Variants in MET observed in about 807,000 individuals in gnomAD.
MET encodes MET proto-oncogene, receptor tyrosine kinase.
In MET, 48 loss-of-function variants were observed where a neutral mutation model predicts 133.1. The ratio of observed to expected loss-of-function variants is 0.36; its 90% CI spans 0.29 to 0.46. The LOEUF is 0.46. MET is among the 20% of genes least tolerant of loss of function. The probability of loss-of-function intolerance (pLI) is 1.00; values close to 1 mark genes in which losing one functional copy is unlikely to be tolerated. For missense variants in MET, 1,442 were observed against 1,695.9 expected (o/e 0.85, Z 2.63); for synonymous variants, 628 against 616.5 (o/e 1.02, Z -0.28).
At chr7:116,765,592 T>C (rs887999896) in intron 11 of MET, among the ~76,000 whole-genome samples, 2 of 151,980 alleles carry the variant, frequency 1.3e-5, no homozygotes, top group Admixed American at 1.3e-4. Flanking sequence ...CTAAGCCCCA[T>C]GGATGGAGAA....
At chr7:116,705,001 A>G (rs1479460697) in intron 2 of MET, among the ~76,000 whole-genome samples, 2 of 152,112 alleles carry the variant, frequency 1.3e-5, no homozygotes, top group African/African-American at 4.8e-5. Context: ...TCCGTTTCAC[A>G]GAATGCCAAA....
intron 2 of MET, among the ~76,000 whole-genome samples, chr7:116,712,696 TC>T (rs1166967081): frequency 1.3e-5 from 2 of 148,778 alleles, no homozygotes; most frequent in Admixed American, 6.7e-5. Context: ...GCCCCTCCCG[TC>T]CCCCCCACAC....
rs1315499829 is a variant in MET, at chr7:116,777,489, A to G, written c.3340+20A>G. 2 of 1,609,110 alleles carry G rather than the reference A, an allele frequency of 1.2e-6. No homozygotes were observed. Among genetic ancestry groups the G allele is most frequent in the East Asian group, 2.2e-5 (1 of 44,776 alleles). ...TGAACAGTAAGTGGCATTTTATTTA[A>G]CCATGGAGTATACTTTTGTGGTTTG... On this transcript the variant is annotated intron_variant, in intron 16 of 20. Transcript: ENST00000397752.
intron 2 of MET, among the ~76,000 whole-genome samples, chr7:116,706,997 A>G (rs1791823077): frequency 6.6e-6 from 1 of 151,510 alleles, no homozygotes; most frequent in Non-Finnish European, 1.5e-5. Context: ...TGTTCCAGGC[A>G]GGTTCATTTG....
intron 5 of MET, among the ~76,000 whole-genome samples, chr7:116,746,255 G>T (rs1793676717): frequency 6.6e-6 from 1 of 152,198 alleles, no homozygotes; most frequent in Non-Finnish European, 1.5e-5. Flanking sequence ...AGTTAGAATG[G>T]CAATCATTAA....
At chr7:116,703,836 C>A (rs1404048688) in intron 2 of MET, among the ~76,000 whole-genome samples, 2 of 152,166 alleles carry the variant, frequency 1.3e-5, no homozygotes, top group African/African-American at 4.8e-5. Flanking sequence ...TGAAATCGTA[C>A]ATTTTAGAAA....
rs1178266474 is a variant in MET, at chr7:116,722,539, T to G, written c.1201-9129T>G. 6.6e-5 allele frequency among the ~76,000 whole-genome samples: 10 copies of G among 151,938 alleles called. No individual in the cohort carries two copies. In the East Asian group the frequency reaches 7.7e-4, roughly 12 times the overall value. On this transcript the variant is annotated intron_variant, in intron 2 of 20. Transcript: ENST00000397752. ...TCCTGTCATTATGATGTTAGCTGGT[T>G]ATTTTGCTCGTTAGTTGATGCAGTT... is the stretch of plus-strand genomic sequence containing the variant.
At chr7:116,744,697 A>G (rs554499802) in intron 5 of MET, among the ~76,000 whole-genome samples, 2 of 152,322 alleles carry the variant, frequency 1.3e-5, no homozygotes, top group South Asian at 2.1e-4. Context: ...GAACACCACA[A>G]AGATACTCCT....
At chr7:116,688,271 A>G (rs1449127420) in intron 1 of MET, among the ~76,000 whole-genome samples, 2 of 152,126 alleles carry the variant, frequency 1.3e-5, no homozygotes, top group Non-Finnish European at 2.9e-5. Context: ...ATGTTTCTCA[A>G]ATGTGATTTG....
chr7:116,738,861 C>T lies in MET; in HGVS notation c.1393-1089C>T, dbSNP rs985617469. ...TGCTGTAATTTTCATTCCCATTATA[C>T]GAATGAGAAAGCTGAGGTAGAGGGA... On this transcript the variant is annotated intron_variant, in intron 3 of 20. Coordinates refer to ENST00000397752, the MANE Select transcript of MET (RefSeq NM_000245.4). Among the ~76,000 whole-genome samples, 29 of 152,248 alleles carry T rather than the reference C, an allele frequency of 1.9e-4. 1 individual carries two copies. Among genetic ancestry groups the T allele is most frequent in the East Asian group, 1.2e-3 (6 of 5,186 alleles).
rs541963413 is a variant in MET, at chr7:116,761,433, T to C, written c.2365-1617T>C. Reference sequence around the variant, plus strand: ...TTCATTCCATGTTCCTTGCCACTTATAGAATTTAAAGCTGACCATGATGAA... The same window carrying C: ...TTCATTCCATGTTCCTTGCCACTTACAGAATTTAAAGCTGACCATGATGAA... On this transcript the variant is annotated intron_variant, in intron 10 of 20. Transcript: ENST00000397752. Among the ~76,000 whole-genome samples the C allele has an allele frequency of 4.1e-4, 63 of 152,292 alleles. 1 individual carries two copies. In the South Asian group the frequency reaches 0.013, roughly 32 times the overall value.
At chr7:116,716,537 G>GA (rs1435187597) in intron 2 of MET, among the ~76,000 whole-genome samples, 2 of 143,808 alleles carry the variant, frequency 1.4e-5, no homozygotes, top group Non-Finnish European at 1.5e-5. Context: ...AAGAAAGAAA[G>GA]AAGATATGAA....
chr7:116,689,188 T>C (rs1345617396), intron 1 of MET, among the ~76,000 whole-genome samples: 1 of 152,220 alleles, frequency 6.6e-6, no homozygotes, highest in East Asian at 1.9e-4. Flanking sequence ...CATATAGTTA[T>C]ACCTTCATAT....
intron 2 of MET, among the ~76,000 whole-genome samples, chr7:116,716,523 AAGAAAG>A (rs1388495072): frequency 6.6e-6 from 1 of 151,654 alleles, no homozygotes; most frequent in Non-Finnish European, 1.5e-5. Context: ...GAAAGAAAGA[AAGAAAG>A]AAAGAAAGAA....
chr7:116,721,396 G>T (rs1792478574), intron 2 of MET, among the ~76,000 whole-genome samples: 1 of 151,926 alleles, frequency 6.6e-6, no homozygotes, highest in African/African-American at 2.4e-5. Context: ...TATTAGTCTT[G>T]CTAGCGGTCT....
Position 116,751,421 on chromosome 7 carries a change from G to A in MET, c.1702-3934G>A, listed in dbSNP as rs533319655. 6.6e-5 allele frequency among the ~76,000 whole-genome samples: 10 copies of A among 152,238 alleles called. No homozygotes were observed. The South Asian group carries it at 1.5e-3, about 22-fold the overall frequency. Reference sequence around the variant, plus strand: ...GAAACATCACACATAGGGGCCTGTCGGGTGGCGGGGGTCTAGGGGAGGGAT... The same window carrying A: ...GAAACATCACACATAGGGGCCTGTCAGGTGGCGGGGGTCTAGGGGAGGGAT... On this transcript the variant is annotated intron_variant, in intron 5 of 20. Coordinates refer to ENST00000397752, the MANE Select transcript of MET (RefSeq NM_000245.4).
chr7:116,766,115 T>G (rs1350670891), intron 11 of MET, among the ~76,000 whole-genome samples: 1 of 152,200 alleles, frequency 6.6e-6, no homozygotes, highest in Non-Finnish European at 1.5e-5. Flanking sequence ...TTTATTCTGT[T>G]TAAAGAAACT....
Position 116,771,813 on chromosome 7 carries a change from G to A in MET, c.2888-36G>A, listed in dbSNP as rs35624294. 8,501 of 1,613,392 alleles carry A rather than the reference G, an allele frequency of 5.3e-3. 215 individuals carry two copies. The Admixed American group carries it at 0.055, about 10-fold the overall frequency. ...AAGTCTCCTGGGGCCCATGATAGCCGTCTTTAACAAGCTCTTTCTTTCTCT... is the reference window on the plus strand; with the variant it reads ...AAGTCTCCTGGGGCCCATGATAGCCATCTTTAACAAGCTCTTTCTTTCTCT... On this transcript the variant is annotated intron_variant, in intron 13 of 20. Coordinates refer to ENST00000397752, the MANE Select transcript of MET (RefSeq NM_000245.4).
In MET at chr7:116,771,545, A is replaced by G; in HGVS notation, c.2778A>G (p.Gln926=). The stretch of plus-strand genomic sequence containing the variant: ...CCGTCCTTGGAAAAGTAATAGTTCA[A>G]CCAGATCAGAATTTCACAGGATTGA... The part of the protein sequence containing the change: ...SSTVLGKVIV[Q]PDQNFTGLIA... Residue 926 remains glutamine (Q), a synonymous_variant, in exon 13 of 21, where the codon CAA becomes CAG. Transcript: ENST00000397752. 1 of 1,613,912 alleles carries G rather than the reference A, an allele frequency of 6.2e-7. No homozygotes were observed. Among genetic ancestry groups the G allele is most frequent in the Non-Finnish European group, 8.5e-7 (1 of 1,179,812 alleles).
Sources: gnomAD v4.1 joint callset for allele counts (sites outside exome capture counted in the v4.1 genomes callset) on GRCh38, gnomAD v4.1.1 for gene constraint, MANE v1.5 for transcripts, NCBI Gene and HGNC (gene_info 2026-07-23, HGNC 2026-07-21) for gene names.